Variants in SSH2 observed in about 807,000 individuals in gnomAD.
The protein encoded by SSH2 is protein phosphatase Slingshot homolog 2.
In SSH2, 37 loss-of-function variants were observed where a neutral mutation model predicts 135.2. That is an observed-to-expected ratio of 0.27 (90% CI 0.21 to 0.36). SSH2 has a LOEUF of 0.36. SSH2 is among the 10% of genes least tolerant of loss of function. The probability of loss-of-function intolerance (pLI) is 1.00; values close to 1 mark genes in which losing one functional copy is unlikely to be tolerated. For missense variants in SSH2, 1,408 were observed against 1,765.3 expected, an observed-to-expected ratio of 0.80 and a Z score of 3.63; for synonymous variants, 628 against 646.2, an observed-to-expected ratio of 0.97 and a Z score of 0.43.
intron 3 of SSH2, among the ~76,000 whole-genome samples, chr17:29,727,413 C>T (rs1300833386): frequency 6.6e-6 from 1 of 152,116 alleles, no homozygotes; most frequent in African/African-American, 2.4e-5. Flanking sequence ...ATTAAGTAAT[C>T]CATTATTAAA....
At chr17:29,736,491 A>G (rs967499703) in intron 3 of SSH2, among the ~76,000 whole-genome samples, 14 of 152,204 alleles carry the variant, frequency 9.2e-5, no homozygotes, top group African/African-American at 2.9e-4. Flanking sequence ...CAGTTACTAT[A>G]AAGGCTAATT....
At chr17:29,796,317 A>G (rs1003515812) in intron 2 of SSH2, among the ~76,000 whole-genome samples, 3 of 152,148 alleles carry the variant, frequency 2.0e-5, no homozygotes, top group Non-Finnish European at 2.9e-5. Flanking sequence ...TTGTATATCT[A>G]CCATCTAGAT....
intron 5 of SSH2, among the ~76,000 whole-genome samples, chr17:29,692,755 G>A (rs1434880348): frequency 6.6e-6 from 1 of 152,196 alleles, no homozygotes; most frequent in Non-Finnish European, 1.5e-5. Flanking sequence ...AGTGACTGTT[G>A]TTATGGGTTT....
At chr17:29,834,585 G>T (rs1371112495) in intron 2 of SSH2, among the ~76,000 whole-genome samples, 3 of 151,910 alleles carry the variant, frequency 2.0e-5, no homozygotes, top group African/African-American at 7.3e-5. Context: ...TAGATTTTTT[G>T]ACTTTATGTA....
chr17:29,842,337 C>T (rs1011043095), intron 2 of SSH2, among the ~76,000 whole-genome samples: 1 of 151,716 alleles, frequency 6.6e-6, no homozygotes, highest in Non-Finnish European at 1.5e-5. Flanking sequence ...ACCTATAATC[C>T]CAGATACTTG....
intron 2 of SSH2, among the ~76,000 whole-genome samples, chr17:29,800,503 G>A (rs1334522667): frequency 6.6e-6 from 1 of 152,130 alleles, no homozygotes; most frequent in Non-Finnish European, 1.5e-5. Context: ...CATTGTTACT[G>A]AAAAATGCCA....
intron 3 of SSH2, among the ~76,000 whole-genome samples, chr17:29,714,741 T>G (rs1347306807): frequency 6.6e-6 from 1 of 152,228 alleles, no homozygotes; most frequent in African/African-American, 2.4e-5. Context: ...TTGATGGACT[T>G]AATTTCAGAA....
chr17:29,717,648 A>C (rs1214950368), intron 3 of SSH2, among the ~76,000 whole-genome samples: 1 of 152,228 alleles, frequency 6.6e-6, no homozygotes, highest in Non-Finnish European at 1.5e-5. Flanking sequence ...AAGCTATGGC[A>C]GGGAAAATCT....
intron 1 of SSH2, among the ~76,000 whole-genome samples, chr17:29,922,879 C>A (rs1244428534): frequency 6.6e-6 from 1 of 152,194 alleles, no homozygotes; most frequent in East Asian, 1.9e-4. Flanking sequence ...ATTGGAGTAA[C>A]TTTTCTAGAA....
At chr17:29,686,562 G>T (rs1598800966) in intron 5 of SSH2, among the ~76,000 whole-genome samples, 1 of 151,212 alleles carries the variant, frequency 6.6e-6, no homozygotes, top group Non-Finnish European at 1.5e-5. Context: ...TACAGATGGG[G>T]TTTCACCATG....
chr17:29,929,741 G>A (rs925602604), intron 1 of SSH2, 197 bp downstream of exon 1: 1 of 608,220 alleles, frequency 1.6e-6, no homozygotes, highest in African/African-American at 1.9e-5. Flanking sequence ...TGCTCAGGGT[G>A]ATGGGGGCAA....
At chr17:29,685,538 C>T (rs576356191) in intron 5 of SSH2, among the ~76,000 whole-genome samples, 208 of 152,242 alleles carry the variant, frequency 1.4e-3, no homozygotes, top group Non-Finnish European at 2.4e-3. Flanking sequence ...GTAATCCCAG[C>T]ACTTTGGGAG....
intron 1 of SSH2, among the ~76,000 whole-genome samples, chr17:29,849,856 GTATATATA>G (rs59297985): frequency 8.5e-6 from 1 of 118,110 alleles, no homozygotes; most frequent in Non-Finnish European, 1.7e-5. Context: ...AAAAAAAAAA[GTATATATA>G]TATATATATA....
intron 3 of SSH2, among the ~76,000 whole-genome samples, chr17:29,744,074 T>C (rs1050304458): frequency 5.3e-5 from 8 of 152,222 alleles, no homozygotes; most frequent in African/African-American, 1.9e-4. Flanking sequence ...GGGTTAAAAA[T>C]ATTCACAGCT....
intron 2 of SSH2, among the ~76,000 whole-genome samples, chr17:29,839,607 C>T (rs2043004146): frequency 6.6e-6 from 1 of 152,190 alleles, no homozygotes; most frequent in Admixed American, 6.5e-5. Flanking sequence ...GGCACACAAT[C>T]ACCTATGGAC....
intron 4 of SSH2, among the ~76,000 whole-genome samples, chr17:29,700,799 T>C (rs1158733927): frequency 6.6e-6 from 1 of 152,174 alleles, no homozygotes; most frequent in Non-Finnish European, 1.5e-5. Context: ...AACTTCTTTT[T>C]TTCTTTTTGA....
At position 29,921,954 on chromosome 17, in the gene SSH2, G is replaced by A. The variant is rs137951478; in HGVS notation, c.63+7984C>T. Among the ~76,000 whole-genome samples the A allele has an allele frequency of 3.3e-5, 5 of 152,260 alleles. No homozygotes were observed. In the East Asian group the frequency reaches 9.6e-4, roughly 29 times the overall value. On this transcript the variant is annotated intron_variant, in intron 1 of 15. Transcript: ENST00000540801. ...GATAAGTAATAAAACAAGTACAGTA[G>A]AAAGATAAGAGCCACCATGGGTAAG...
intron 3 of SSH2, among the ~76,000 whole-genome samples, chr17:29,788,929 G>A (rs934070449): frequency 2.0e-5 from 3 of 152,188 alleles, no homozygotes; most frequent in Admixed American, 6.5e-5. Flanking sequence ...AAAGAACCAC[G>A]AACAGAATAT....
intron 1 of SSH2, among the ~76,000 whole-genome samples, chr17:29,913,231 T>A (rs1370549788): frequency 7.0e-6 from 1 of 142,440 alleles, no homozygotes; most frequent in Non-Finnish European, 1.5e-5. Context: ...GGCACGACAA[T>A]CGCTTGAACC....
Sources: allele counts gnomAD v4.1 joint callset (sites outside exome capture counted in the v4.1 genomes callset), GRCh38; gene constraint gnomAD v4.1.1; transcripts MANE v1.5; gene names NCBI Gene and HGNC (gene_info 2026-07-23, HGNC 2026-07-21).